Variants in CNTN6 observed in about 807,000 individuals in gnomAD.
CNTN6 encodes the protein contactin 6.
A neutral mutation model predicts 122.8 loss-of-function variants in CNTN6; 137 were observed. That is an observed-to-expected ratio of 1.12 (90% CI 0.97 to 1.29). The LOEUF (loss-of-function observed/expected upper bound fraction) is 1.29, where lower values mean the gene tolerates loss of function less well. Ranked by LOEUF, CNTN6 falls within the 50% of genes most tolerant of loss-of-function variation. CNTN6 has a pLI of 0.00. For synonymous variants in CNTN6, 570 were observed against 426.0 expected, an observed-to-expected ratio of 1.34 and a Z score of -4.16; for missense variants, 1,634 against 1,223.4, an observed-to-expected ratio of 1.34 and a Z score of -5.01.
chr3:1,319,448 A>G (rs1021068583), intron 7 of CNTN6, among the ~76,000 whole-genome samples: 2 of 151,664 alleles, frequency 1.3e-5, no homozygotes, highest in African/African-American at 4.8e-5. Flanking sequence ...ATATATGCAT[A>G]TAAGGTAGCT....
At chr3:1,393,386 A>G (rs1447541255) in intron 20 of CNTN6, among the ~76,000 whole-genome samples, 1 of 120,030 alleles carries the variant, frequency 8.3e-6, no homozygotes, top group Non-Finnish European at 1.7e-5. Context: ...GAAGGGGAAT[A>G]TCACACTCTG....
At chr3:1,162,574 G>C (rs1325253279) in intron 2 of CNTN6, among the ~76,000 whole-genome samples, 4 of 152,124 alleles carry the variant, frequency 2.6e-5, no homozygotes, top group Admixed American at 2.6e-4. Flanking sequence ...TCTGAGGCCA[G>C]GGCTTTAACT....
chr3:1,383,582 T>G (rs112148480), intron 19 of CNTN6, among the ~76,000 whole-genome samples, 174 bp downstream of exon 19: 1 of 152,104 alleles, frequency 6.6e-6, no homozygotes, highest in Non-Finnish European at 1.5e-5. Context: ...TTGAGAGGCT[T>G]AGCCTGGGAT....
Position 1,134,686 on chromosome 3 carries a change from TTTTTGTTTTG to T in CNTN6, c.-82-13221_-82-13212del, listed in dbSNP as rs372317721. ...TGAACCTGAGTTTTGTTTTTTTTGT[TTTTTGTTTTG>T]TTTTGTTTTGTTTTGTTTTCCGGGT... On this transcript the variant is annotated intron_variant, in intron 1 of 22. Coordinates refer to ENST00000446702, the MANE Select transcript of CNTN6 (RefSeq NM_001289080.2). Among the ~76,000 whole-genome samples the T allele has an allele frequency of 6.2e-3, 940 of 152,138 alleles. 7 individuals carry two copies. Among genetic ancestry groups the T allele is most frequent in the African/African-American group, 0.021 (852 of 41,468 alleles).
chr3:1,386,572 A>G (rs1331991573), intron 20 of CNTN6, among the ~76,000 whole-genome samples: 3 of 152,184 alleles, frequency 2.0e-5, no homozygotes, highest in Non-Finnish European at 2.9e-5. Flanking sequence ...AAATTGGGAA[A>G]GGTCTGATCA....
chr3:1,234,896 ACTTTGT>A (rs2094402139), intron 4 of CNTN6, among the ~76,000 whole-genome samples: 1 of 152,234 alleles, frequency 6.6e-6, no homozygotes, highest in Non-Finnish European at 1.5e-5. Context: ...CAAGGAGAAA[ACTTTGT>A]CTTTGCTTTT....
At chr3:1,219,461 T>G (rs1204374526) in intron 2 of CNTN6, among the ~76,000 whole-genome samples, 1 of 152,222 alleles carries the variant, frequency 6.6e-6, no homozygotes, top group Admixed American at 6.5e-5. Flanking sequence ...TTTTTTATAG[T>G]GATTTTTAAA....
intron 11 of CNTN6, among the ~76,000 whole-genome samples, chr3:1,340,068 C>A (rs550710911): frequency 3.1e-4 from 47 of 152,128 alleles, no homozygotes; most frequent in African/African-American, 1.1e-3. Flanking sequence ...GGCATTTATT[C>A]ATATTTTTAG....
At chr3:1,258,877 T>C (rs1575454139) in intron 4 of CNTN6, among the ~76,000 whole-genome samples, 1 of 151,872 alleles carries the variant, frequency 6.6e-6, no homozygotes, top group African/African-American at 2.4e-5. Context: ...TCTGAAGGAG[T>C]GTTGGTTAAG....
intron 2 of CNTN6, among the ~76,000 whole-genome samples, chr3:1,187,219 G>A (rs2093640758): frequency 6.6e-6 from 1 of 151,914 alleles, no homozygotes; most frequent in African/African-American, 2.4e-5. Context: ...AAAAAAAACT[G>A]CCTGATGCGT....
Position 1,247,835 on chromosome 3 carries a change from T to A in CNTN6, c.358+19842T>A, listed in dbSNP as rs147814284. On this transcript the variant is annotated intron_variant, in intron 4 of 22. Coordinates refer to ENST00000446702, the MANE Select transcript of CNTN6 (RefSeq NM_001289080.2). ...CCATGTATTAGGTATCTATTAAGCC[T>A]TTTACATAACATTTGTTAAAAAAAA... Among the ~76,000 whole-genome samples, 78 of 152,114 alleles carry A rather than the reference T, an allele frequency of 5.1e-4. No homozygotes were observed. In the East Asian group the frequency reaches 0.013, roughly 24 times the overall value.
At chr3:1,305,929 A>G (rs1339469970) in intron 7 of CNTN6, among the ~76,000 whole-genome samples, 1 of 152,162 alleles carries the variant, frequency 6.6e-6, no homozygotes, top group Non-Finnish European at 1.5e-5. Context: ...CAGAGGAGCT[A>G]TTTCTTATAG....
At chr3:1,093,579 C>T (rs1042145164) in intron 1 of CNTN6, among the ~76,000 whole-genome samples, 1 of 150,734 alleles carries the variant, frequency 6.6e-6, no homozygotes, top group Non-Finnish European at 1.5e-5. Flanking sequence ...CAGTTCTCAC[C>T]GGATGATTTA....
At chr3:1,360,159 G>C (rs952619697) in intron 12 of CNTN6, among the ~76,000 whole-genome samples, 2 of 152,008 alleles carry the variant, frequency 1.3e-5, no homozygotes, top group African/African-American at 4.8e-5. Flanking sequence ...TAGTGGTTTA[G>C]TTTGAAGTAG....
At chr3:1,230,690 G>A (rs1005153292) in intron 4 of CNTN6, among the ~76,000 whole-genome samples, 2 of 152,142 alleles carry the variant, frequency 1.3e-5, no homozygotes, top group East Asian at 1.9e-4. Flanking sequence ...CACTGATATT[G>A]GGGCTTTCTT....
chr3:1,350,622 C>T (rs80090963), intron 11 of CNTN6, among the ~76,000 whole-genome samples: 1 of 151,622 alleles, frequency 6.6e-6, no homozygotes, highest in African/African-American at 2.4e-5. Context: ...CTCAGGGTAC[C>T]ACTGCACACT....
intron 5 of CNTN6, among the ~76,000 whole-genome samples, chr3:1,292,979 A>G (rs1695581568): frequency 2.6e-5 from 4 of 151,948 alleles, no homozygotes. Context: ...TTTTTTTCCC[A>G]CATGACACTA....
intron 11 of CNTN6, among the ~76,000 whole-genome samples, chr3:1,330,571 C>G (rs551209521): frequency 6.6e-6 from 1 of 151,974 alleles, no homozygotes; most frequent in South Asian, 2.1e-4. Flanking sequence ...CATGAGGTGA[C>G]TAGACCACAG....
rs1171503219 is a variant in CNTN6 at position 1,295,721 on chromosome 3, G to A, written c.575G>A (p.Gly192Asp). Reference sequence around the variant, plus strand: ...GCCAAAGTGGAACCATCAGATGTGGGCAACTACACTTGCTTTATAACTAAC... The same window carrying A: ...GCCAAAGTGGAACCATCAGATGTGGACAACTACACTTGCTTTATAACTAAC... ...YIAKVEPSDVGNYTCFITNKE... is the reference protein window; with the variant it reads ...YIAKVEPSDVDNYTCFITNKE... Residue 192 changes from glycine to aspartate, a missense_variant, in exon 6 of 23, where the codon GGC becomes GAC. Transcript: ENST00000446702. The A allele has an allele frequency of 4.3e-6, 7 of 1,613,922 alleles. No individual in the cohort carries two copies. The highest frequency in any genetic ancestry group is 1.3e-5 in the African/African-American group (1 of 74,930).
Sources: gnomAD v4.1 joint callset for allele counts (sites outside exome capture counted in the v4.1 genomes callset) on GRCh38, gnomAD v4.1.1 for gene constraint, MANE v1.5 for transcripts, NCBI Gene and HGNC (gene_info 2026-07-23, HGNC 2026-07-21) for gene names.